The following RABEPK variants were observed in gnomAD, a reference collection of about 807,000 sequenced individuals.
The protein encoded by RABEPK is 40 kDa Rab9 effector protein.
Under a neutral mutation model 34.1 loss-of-function variants are expected in RABEPK, and 27 were observed. That is an observed-to-expected ratio of 0.79 (90% CI 0.58 to 1.09). RABEPK has a LOEUF of 1.09. Ranked by LOEUF, RABEPK falls within the 50% of genes least tolerant of loss-of-function variation. The pLI is 0.00. For missense variants in RABEPK, 449 were observed against 462.6 expected, an observed-to-expected ratio of 0.97 and a Z score of 0.27; for synonymous variants, 172 against 169.2, an observed-to-expected ratio of 1.02 and a Z score of -0.13.
intron 5 of RABEPK, among the ~76,000 whole-genome samples, chr9:125,224,197 AAAAACAAAAAC>A (rs368572678): frequency 0.098 from 14,810 of 150,418 alleles, 1,000 homozygotes; most frequent in Non-Finnish European, 0.14. Flanking sequence ...CTCTATCTCA[AAAAACAAAAAC>A]AAAACAAAAA....
intron 4 of RABEPK, among the ~76,000 whole-genome samples, chr9:125,215,670 A>G (rs1204808403): frequency 6.6e-6 from 1 of 152,228 alleles, no homozygotes; most frequent in East Asian, 1.9e-4. Flanking sequence ...CCATAATATC[A>G]TAACTTCTCC....
intron 6 of RABEPK, among the ~76,000 whole-genome samples, chr9:125,229,264 A>AT (rs1832006720): frequency 6.6e-6 from 1 of 150,664 alleles, no homozygotes; most frequent in Non-Finnish European, 1.5e-5. Flanking sequence ...CAAAAAAAAA[A>AT]GAAAAAAAGA....
intron 4 of RABEPK, 192 bp from the exon 5 acceptor site, chr9:125,220,347 T>G (rs1481045292): frequency 3.5e-6 from 5 of 1,447,246 alleles, no homozygotes; most frequent in Non-Finnish European, 4.5e-6. Flanking sequence ...TTGGGGATTT[T>G]GGACTGTCTT....
intron 5 of RABEPK, among the ~76,000 whole-genome samples, chr9:125,223,009 C>T (rs1157984583): frequency 1.3e-5 from 2 of 150,978 alleles, no homozygotes; most frequent in Non-Finnish European, 1.5e-5. Context: ...AGGCCAGGCG[C>T]GGTGGCTCAC....
intron 5 of RABEPK, among the ~76,000 whole-genome samples, chr9:125,225,756 C>G (rs999062751): frequency 5.3e-5 from 8 of 151,760 alleles, no homozygotes; most frequent in Non-Finnish European, 7.4e-5. Context: ...GTCAGGAGAT[C>G]GAGACCATCC....
At chr9:125,227,578 A>G (rs1588405145) in intron 5 of RABEPK, among the ~76,000 whole-genome samples, 1 of 149,688 alleles carries the variant, frequency 6.7e-6, no homozygotes, top group Non-Finnish European at 1.5e-5. Context: ...ACCTGCCACC[A>G]CACCTGGCTA....
chr9:125,232,473 T>G, intron 6 of RABEPK, 123 bp from the exon 7 acceptor site: 1 of 1,149,584 alleles, frequency 8.7e-7, no homozygotes, highest in Non-Finnish European at 1.2e-6. Flanking sequence ...TTATGTGCAC[T>G]AAACCTCTCA....
intron 4 of RABEPK, among the ~76,000 whole-genome samples, chr9:125,216,739 G>A (rs1276182568): frequency 2.6e-5 from 4 of 151,946 alleles, no homozygotes; most frequent in Admixed American, 2.0e-4. Context: ...GAGGAGGGCG[G>A]ATCAAAAGGT....
intron 6 of RABEPK, among the ~76,000 whole-genome samples, chr9:125,231,865 C>T (rs1832202418): frequency 6.7e-6 from 1 of 150,158 alleles, no homozygotes; most frequent in Non-Finnish European, 1.5e-5. Flanking sequence ...GTTGTTTAGC[C>T]AGCACTTACA....
rs1215258137 is a variant in RABEPK at position 125,213,122 on chromosome 9, G to A, written c.212-248G>A. ...CAAAGTCAAAGCATAGTACAAACAT[G>A]TCATCTGGGATCTATCCTTGTGGTT... is the stretch of plus-strand genomic sequence containing the variant. On this transcript the variant is annotated intron_variant, in intron 3 of 7. Coordinates refer to ENST00000373538, the MANE Select transcript of RABEPK (RefSeq NM_005833.4). Among the ~76,000 whole-genome samples the A allele has an allele frequency of 2.6e-5, 4 of 152,176 alleles. No individual in the cohort carries two copies. The South Asian group carries it at 8.3e-4, about 31-fold the overall frequency.
At chr9:125,223,725 TAAAAAAA>T (rs35661565) in intron 5 of RABEPK, among the ~76,000 whole-genome samples, 2 of 119,758 alleles carry the variant, frequency 1.7e-5, no homozygotes, top group African/African-American at 3.2e-5. Context: ...ACCCTGACTC[TAAAAAAA>T]AAAAAAAAAA....
chr9:125,204,966 T>C (rs562875322), intron 2 of RABEPK, among the ~76,000 whole-genome samples: 70 of 152,154 alleles, frequency 4.6e-4, no homozygotes, highest in Non-Finnish European at 8.8e-4. Flanking sequence ...TAACTGGGAC[T>C]GTTGGTGTGT....
At chr9:125,210,524 C>T (rs1476444424) in intron 3 of RABEPK, among the ~76,000 whole-genome samples, 1 of 151,384 alleles carries the variant, frequency 6.6e-6, no homozygotes, top group Non-Finnish European at 1.5e-5. Flanking sequence ...TCGAGACCAT[C>T]CTGGCCAACA....
At chr9:125,224,411 A>T (rs1380384152) in intron 5 of RABEPK, among the ~76,000 whole-genome samples, 1 of 149,914 alleles carries the variant, frequency 6.7e-6, no homozygotes, top group African/African-American at 2.5e-5. Flanking sequence ...TATGTATATT[A>T]TCTCATTTAA....
chr9:125,206,519 A>G (rs1830237170), intron 2 of RABEPK, among the ~76,000 whole-genome samples: 1 of 150,872 alleles, frequency 6.6e-6, no homozygotes, highest in East Asian at 1.9e-4. Flanking sequence ...AGAGAGAGAG[A>G]GATAGTGGAA....
intron 6 of RABEPK, 65 bp from the exon 7 acceptor site, chr9:125,232,531 G>T (rs1326117303): frequency 2.6e-6 from 4 of 1,521,046 alleles, no homozygotes; most frequent in South Asian, 1.3e-5. Context: ...AACTACAGTA[G>T]ATAGATAAGT....
intron 4 of RABEPK, among the ~76,000 whole-genome samples, chr9:125,216,063 T>C (rs1830910701): frequency 6.6e-6 from 1 of 151,964 alleles, no homozygotes; most frequent in Non-Finnish European, 1.5e-5. Context: ...GAGGCTGAGG[T>C]GTACAGATCA....
chr9:125,214,750 C>G (rs1473618279), intron 4 of RABEPK, among the ~76,000 whole-genome samples: 3 of 149,870 alleles, frequency 2.0e-5, no homozygotes, highest in African/African-American at 7.3e-5. Flanking sequence ...AAAAAGTCAT[C>G]CACAATCCAT....
intron 6 of RABEPK, among the ~76,000 whole-genome samples, chr9:125,231,976 C>T (rs192215549): frequency 0.011 from 1,557 of 144,584 alleles, 17 homozygotes; most frequent in Non-Finnish European, 0.017. Context: ...CTCAGCTCAG[C>T]GCAACCTCCG....
Sources: gnomAD v4.1 joint callset for allele counts (sites outside exome capture counted in the v4.1 genomes callset) on GRCh38, gnomAD v4.1.1 for gene constraint, MANE v1.5 for transcripts, NCBI Gene and HGNC (gene_info 2026-07-23, HGNC 2026-07-21) for gene names.